The following CARMIL1 variants were observed in gnomAD, a reference collection of about 807,000 sequenced individuals.
CARMIL1 encodes F-actin-uncapping protein LRRC16A.
Under a neutral mutation model 177.1 loss-of-function variants are expected in CARMIL1, and 90 were observed. The ratio of observed to expected loss-of-function variants is 0.51; its 90% CI spans 0.43 to 0.61. The LOEUF is 0.61. Among genes scored for constraint, CARMIL1 ranks in the 20% least tolerant of loss-of-function variants. The pLI is 0.00. For synonymous variants in CARMIL1, 577 were observed against 606.2 expected (o/e 0.95, Z 0.71); for missense variants, 1,380 against 1,667.0 (o/e 0.83, Z 3.00).
intron 2 of CARMIL1, among the ~76,000 whole-genome samples, chr6:25,299,698 G>A (rs1782696142): frequency 6.6e-6 from 1 of 152,020 alleles, no homozygotes; most frequent in Non-Finnish European, 1.5e-5. Flanking sequence ...TCCAGAGGCT[G>A]GGCACGGTGG....
At chr6:25,588,162 G>A (rs1440197875) in intron 31 of CARMIL1, among the ~76,000 whole-genome samples, 1 of 152,184 alleles carries the variant, frequency 6.6e-6, no homozygotes. Context: ...TTTTATAGCA[G>A]CGACTTGAGC....
At chr6:25,454,484 A>G (rs1481416821) in intron 8 of CARMIL1, among the ~76,000 whole-genome samples, 1 of 152,224 alleles carries the variant, frequency 6.6e-6, no homozygotes, top group African/African-American at 2.4e-5. Context: ...GTATGTACCT[A>G]GAGAAAAATC....
At chr6:25,494,975 A>T in intron 15 of CARMIL1, 136 bp from the exon 16 acceptor site, 1 of 583,024 alleles carries the variant, frequency 1.7e-6, no homozygotes, top group Non-Finnish European at 3.0e-6. Context: ...TAGGTTTTGG[A>T]CATTTATTTG....
At position 25,284,798 on chromosome 6, in the gene CARMIL1, CT is replaced by C. The variant is rs568919743; in HGVS notation, c.41-4del. On this transcript the variant is annotated splice_polypyrimidine_tract_variant and intron_variant, in intron 1 of 36. Coordinates refer to ENST00000329474, the MANE Select transcript of CARMIL1 (RefSeq NM_017640.6). ...TTTTTTCTTATTAATAACATAATTC[CT>C]TTTTTTTTTCAGAAAGCATAAAGGA... The C allele has an allele frequency of 2.4e-3, 2,912 of 1,213,304 alleles. No homozygotes were observed. Among genetic ancestry groups the C allele is most frequent in the African/African-American group, 4.2e-3 (267 of 64,208 alleles). 75.2% of individuals were successfully genotyped at this position (1,213,304 alleles called of 1,614,324 possible). A position where few individuals can be genotyped will look rare whatever the true frequency, so the allele number is the denominator to read the frequency against.
intron 31 of CARMIL1, among the ~76,000 whole-genome samples, chr6:25,587,030 C>T: frequency 1.2e-5 from 1 of 83,158 alleles, no homozygotes; most frequent in East Asian, 3.9e-4. Flanking sequence ...GAGAGGGAGA[C>T]TGGGGAAAGG....
chr6:25,479,091 C>T (rs1801849978), intron 11 of CARMIL1: 1 of 518,860 alleles, frequency 1.9e-6, no homozygotes, highest in Non-Finnish European at 3.8e-6. Context: ...AGAGAAGAGG[C>T]CTTTTGTTTC....
intron 20 of CARMIL1, among the ~76,000 whole-genome samples, chr6:25,513,891 C>T (rs1458694923): frequency 6.6e-6 from 1 of 152,102 alleles, no homozygotes; most frequent in Non-Finnish European, 1.5e-5. Flanking sequence ...ATATAGAGGA[C>T]CCCAAGCAAC....
chr6:25,376,354 A>G (rs960016645), intron 2 of CARMIL1, among the ~76,000 whole-genome samples: 1 of 152,246 alleles, frequency 6.6e-6, no homozygotes, highest in Non-Finnish European at 1.5e-5. Context: ...TGCTGGGATT[A>G]TAGGCATGAG....
At chr6:25,504,204 A>T (rs1254327437) in intron 17 of CARMIL1, among the ~76,000 whole-genome samples, 1 of 152,136 alleles carries the variant, frequency 6.6e-6, no homozygotes, top group South Asian at 2.1e-4. Context: ...ATAGAGGATA[A>T]ATGATGGTAA....
chr6:25,463,058 AT>A (rs1250784785), intron 8 of CARMIL1, among the ~76,000 whole-genome samples: 1 of 152,214 alleles, frequency 6.6e-6, no homozygotes, highest in Non-Finnish European at 1.5e-5. Flanking sequence ...CTCCTCATGA[AT>A]AACTTTTTCT....
At chr6:25,594,815 A>T (rs1243400587) in intron 32 of CARMIL1, among the ~76,000 whole-genome samples, 1 of 152,188 alleles carries the variant, frequency 6.6e-6, no homozygotes, top group African/African-American at 2.4e-5. Flanking sequence ...GGCATGCTCC[A>T]GTTTGAGACC....
Position 25,610,190 on chromosome 6 carries a change from T to C in CARMIL1, c.3979+9T>C. Reference sequence around the variant, plus strand: ...GACATTTTCACAGGAAGGTAAGGATTGTAAGGATTTCTTTTCTCTGGGTTA... The same window carrying C: ...GACATTTTCACAGGAAGGTAAGGATCGTAAGGATTTCTTTTCTCTGGGTTA... On this transcript the variant is annotated intron_variant, in intron 36 of 36. Coordinates refer to ENST00000329474, the MANE Select transcript of CARMIL1 (RefSeq NM_017640.6). 6.2e-7 allele frequency: 1 copy of C among 1,608,606 alleles called. No homozygotes were observed. Among genetic ancestry groups the C allele is most frequent in the Non-Finnish European group, 8.5e-7 (1 of 1,177,346 alleles).
chr6:25,619,384 T>C lies in CARMIL1; in HGVS notation c.3980-63T>C, dbSNP rs1759554584. 2.7e-6 allele frequency: 4 copies of C among 1,505,236 alleles called. No individual in the cohort carries two copies. In the South Asian group the frequency reaches 5.2e-5, roughly 20 times the overall value. 93.2% of individuals were successfully genotyped at this position (1,505,236 alleles called of 1,614,324 possible). A position where few individuals can be genotyped will look rare whatever the true frequency, so the allele number is the denominator to read the frequency against. ...TTCAAGGCTACTGCATCTCAGCCCA[T>C]TATCAGTCAGGCCACTGGTATTACT... On this transcript the variant is annotated intron_variant, in intron 36 of 36. Transcript: ENST00000329474.
intron 17 of CARMIL1, among the ~76,000 whole-genome samples, chr6:25,505,704 C>T (rs1253305066): frequency 2.0e-5 from 3 of 152,138 alleles, no homozygotes; most frequent in Admixed American, 6.5e-5. Flanking sequence ...CCACCTACCT[C>T]GGCCTCTCAA....
intron 29 of CARMIL1, chr6:25,563,711 T>C (rs1582377382): frequency 1.0e-6 from 1 of 985,198 alleles, no homozygotes. Context: ...GAATGGAAGG[T>C]GAAAGAACCA....
intron 2 of CARMIL1, among the ~76,000 whole-genome samples, chr6:25,369,401 G>A (rs1214302546): frequency 7.9e-6 from 1 of 126,702 alleles, no homozygotes; most frequent in Non-Finnish European, 1.7e-5. Flanking sequence ...TTTTTTTAAA[G>A]CTAGTCCAGA....
intron 2 of CARMIL1, among the ~76,000 whole-genome samples, chr6:25,410,500 A>T (rs1484182748): frequency 1.3e-5 from 2 of 152,222 alleles, no homozygotes; most frequent in African/African-American, 4.8e-5. Flanking sequence ...AGAGTGGTCT[A>T]GCAGACTCCC....
intron 2 of CARMIL1, among the ~76,000 whole-genome samples, chr6:25,344,001 C>T (rs927884718): frequency 2.0e-5 from 3 of 152,094 alleles, no homozygotes; most frequent in Admixed American, 6.6e-5. Flanking sequence ...TGCTCTTCCA[C>T]GTGGTCATTC....
At chr6:25,607,206 C>T (rs1434374476) in intron 35 of CARMIL1, among the ~76,000 whole-genome samples, 1 of 138,620 alleles carries the variant, frequency 7.2e-6, no homozygotes, top group Non-Finnish European at 1.6e-5. Context: ...CACACACACA[C>T]ACATTAGGTT....
Sources: allele counts gnomAD v4.1 joint callset (sites outside exome capture counted in the v4.1 genomes callset), GRCh38; gene constraint gnomAD v4.1.1; transcripts MANE v1.5; gene names NCBI Gene and HGNC (gene_info 2026-07-23, HGNC 2026-07-21).